The following C9orf72 variants were observed in gnomAD, a reference collection of about 807,000 sequenced individuals.
The protein encoded by C9orf72 is C9orf72-SMCR8 complex subunit.
In C9orf72, 44 loss-of-function variants were observed where a neutral mutation model predicts 51.6. The ratio of observed to expected loss-of-function variants is 0.85; its 90% CI spans 0.67 to 1.10. The LOEUF (loss-of-function observed/expected upper bound fraction) is 1.10. Ranked by LOEUF, C9orf72 falls within the 50% of genes least tolerant of loss-of-function variation. The pLI is 0.00. For synonymous variants in C9orf72, 213 were observed against 194.2 expected (o/e 1.10, Z -0.81); for missense variants, 607 against 570.6 (o/e 1.06, Z -0.65).
intron 9 of C9orf72, among the ~76,000 whole-genome samples, chr9:27,549,510 T>C (rs1391417114): frequency 6.6e-6 from 1 of 152,108 alleles, no homozygotes; most frequent in Non-Finnish European, 1.5e-5. Flanking sequence ...TAGATCTCAA[T>C]CCAAAATTTC....
rs765091222 is a variant in C9orf72 at position 27,565,609 on chromosome 9, ATTTAAAAAAACAACCCACAACAT to A, written c.445-42_445-20del. Reference sequence around the variant, plus strand: ...GTCTTTCCTGAGCAAGAGAAAATTTATTTAAAAAAACAACCCACAACATTTTGATACTTGCTTATTTTTCAATA... The same window carrying A: ...GTCTTTCCTGAGCAAGAGAAAATTTATTTGATACTTGCTTATTTTTCAATA... On this transcript the variant is annotated intron_variant, in intron 2 of 10. Transcript: ENST00000380003. 2,018 of 1,526,502 alleles carry A rather than the reference ATTTAAAAAAACAACCCACAACAT, an allele frequency of 1.3e-3. 53 individuals carry two copies. In the East Asian group the frequency reaches 0.038, roughly 29 times the overall value. The allele number at this position is 1,526,502 out of a possible 1,614,324, so 94.6% of individuals were successfully genotyped here.
At chr9:27,567,838 A>G (rs992391389) in intron 1 of C9orf72, among the ~76,000 whole-genome samples, 2 of 152,158 alleles carry the variant, frequency 1.3e-5, no homozygotes, top group Non-Finnish European at 2.9e-5. Flanking sequence ...TGTTGAAACT[A>G]CAAGGCAAGA....
chr9:27,567,217 C>T (rs1819490452), intron 1 of C9orf72, 53 bp from the exon 2 acceptor site: 5 of 1,023,450 alleles, frequency 4.9e-6, no homozygotes, highest in Non-Finnish European at 7.1e-6. Context: ...TAAAGATATC[C>T]ATCAAAACCC....
chr9:27,571,322 G>A (rs1296771682), intron 1 of C9orf72: 2 of 152,210 alleles, frequency 1.3e-5, no homozygotes, highest in Non-Finnish European at 2.9e-5. Context: ...AAAACTGTTA[G>A]TAGAGTGCTA....
intron 3 of C9orf72, 72 bp from the exon 4 acceptor site, chr9:27,562,548 A>G (rs552607336): frequency 7.4e-6 from 5 of 679,320 alleles, no homozygotes; most frequent in South Asian, 5.1e-5. Flanking sequence ...AAAAATAAAA[A>G]TAACATCAAA....
At chr9:27,572,448 A>G (rs548359740) in intron 1 of C9orf72, among the ~76,000 whole-genome samples, 6 of 149,192 alleles carry the variant, frequency 4.0e-5, no homozygotes, top group Non-Finnish European at 8.9e-5. Flanking sequence ...GAGAAAAATC[A>G]TATCTTAACA....
rs761630312 is a variant in C9orf72, at chr9:27,548,370, C to A, written c.1312G>T (p.Asp438Tyr). The change falls in exon 11 of 11, where the codon GAT (aspartate) becomes TAT (tyrosine). Residue 438 changes from aspartate (D) to tyrosine (Y), a missense_variant. Coordinates refer to ENST00000380003, the MANE Select transcript of C9orf72 (RefSeq NM_018325.5). The stretch of plus-strand genomic sequence containing the variant: ...TTAAGATCGCCCTCTGCTGTTAAAT[C>A]AAGGTCTATCTTCAGGTTCCGAAGA... ...KSLRNLKIDL[D>Y]LTAEGDLNII... 1.4e-6 allele frequency: 2 copies of A among 1,390,194 alleles called. No homozygotes were observed. Among genetic ancestry groups the A allele is most frequent in the Non-Finnish European group, 1.9e-6 (2 of 1,046,092 alleles). 86.1% of individuals were successfully genotyped at this position (1,390,194 alleles called of 1,614,324 possible). A position where few individuals can be genotyped will look rare whatever the true frequency, so the allele number is the denominator to read the frequency against.
At chr9:27,549,165 T>C (rs572189482) in intron 9 of C9orf72, among the ~76,000 whole-genome samples, 59 of 152,338 alleles carry the variant, frequency 3.9e-4, no homozygotes, top group Middle Eastern at 6.8e-3. Flanking sequence ...TTAGAAGTTT[T>C]CTAATTTATC....
chr9:27,561,586 T>G lies in C9orf72; in HGVS notation c.664A>C (p.Asn222His). Reference sequence around the variant, plus strand: ...TTTTATGAAAAGAAAAATTCTTACTTGAGAAGAAAGCCTTCATGACAGCTG... The same window carrying G: ...TTTTATGAAAAGAAAAATTCTTACTGGAGAAGAAAGCCTTCATGACAGCTG... Reference protein sequence around the residue: ...GDSCHEGFLLNAISSHLQTCG... With the variant: ...GDSCHEGFLLHAISSHLQTCG... The change falls in exon 5 of 11, where the codon AAT becomes CAT. Residue 222 changes from asparagine (N) to histidine (H), a missense_variant and splice_region_variant. Transcript: ENST00000380003. 6.2e-7 allele frequency: 1 copy of G among 1,612,474 alleles called. No individual in the cohort carries two copies. Among genetic ancestry groups the G allele is most frequent in the Non-Finnish European group, 8.5e-7 (1 of 1,179,098 alleles).
intron 8 of C9orf72, among the ~76,000 whole-genome samples, chr9:27,555,428 C>G (rs1820988765): frequency 6.6e-6 from 1 of 152,144 alleles, no homozygotes; most frequent in African/African-American, 2.4e-5. Context: ...TACCTAAGCT[C>G]AAACTGATTC....
intron 8 of C9orf72, 52 bp from the exon 9 acceptor site, chr9:27,550,759 G>T: frequency 2.1e-6 from 2 of 974,418 alleles, no homozygotes; most frequent in Non-Finnish European, 3.1e-6. Context: ...TGTTGAAATG[G>T]CCATATAATG....
chr9:27,547,746 G>A lies in C9orf72; in HGVS notation c.*490C>T, dbSNP rs1199189901. 6.6e-6 allele frequency: 1 copy of A among 152,604 alleles called. No homozygotes were observed. The highest frequency in any genetic ancestry group is 2.4e-5 in the African/African-American group (1 of 41,430). The allele number at this position is 152,604 out of a possible 1,614,324, so 9.5% of individuals were successfully genotyped here. A position where few individuals can be genotyped will look rare whatever the true frequency, so the allele number is the denominator to read the frequency against. ...ATTTTCTTTCTAAAGCTCATCCTAT[G>A]TTCAAGCTCACTTTCTTTCTGTGGA... is the stretch of plus-strand genomic sequence containing the variant. On this transcript the variant is annotated 3_prime_UTR_variant, in exon 11 of 11. Transcript: ENST00000380003.
In C9orf72 at chr9:27,565,593, G is replaced by C; in HGVS notation, c.445-3C>G. 1 of 1,588,438 alleles carries C rather than the reference G, an allele frequency of 6.3e-7. No homozygotes were observed. ...TTCTGGACATTTTCTTGTCTTTCCT[G>C]AGCAAGAGAAAATTTATTTAAAAAA... On this transcript the variant is annotated splice_region_variant and splice_polypyrimidine_tract_variant and intron_variant, in intron 2 of 10. Transcript: ENST00000380003.
In C9orf72 at chr9:27,548,363, G is replaced by C; in HGVS notation, c.1319C>G (p.Thr440Arg). ...TATTATGTTAAGATCGCCCTCTGCT[G>C]TTAAATCAAGGTCTATCTTCAGGTT... The part of the protein sequence containing the change: ...LRNLKIDLDL[T>R]AEGDLNIIMA... Residue 440 changes from threonine (T) to arginine (R), a missense_variant, in exon 11 of 11, where the codon ACA becomes AGA. Transcript: ENST00000380003. 1 of 1,405,738 alleles carries C rather than the reference G, an allele frequency of 7.1e-7. No homozygotes were observed. Among genetic ancestry groups the C allele is most frequent in the Non-Finnish European group, 9.5e-7 (1 of 1,053,174 alleles). 87.1% of individuals were successfully genotyped at this position (1,405,738 alleles called of 1,614,324 possible).
Position 27,550,850 on chromosome 9 carries a change from T to C in C9orf72, c.1092-143A>G. 6.0e-6 allele frequency: 3 copies of C among 502,826 alleles called. No individual in the cohort carries two copies. The East Asian group carries it at 9.8e-5, about 16-fold the overall frequency. The allele number at this position is 502,826 out of a possible 1,614,324, so 31.1% of individuals were successfully genotyped here. A position where few individuals can be genotyped will look rare whatever the true frequency, so the allele number is the denominator to read the frequency against. ...TTACATATAAACACATTTGTAAGAA[T>C]ATAGATATATATATTTGGAGACACA... is the stretch of plus-strand genomic sequence containing the variant. On this transcript the variant is annotated intron_variant, in intron 8 of 10. Coordinates refer to ENST00000380003, the MANE Select transcript of C9orf72 (RefSeq NM_018325.5).
intron 8 of C9orf72, among the ~76,000 whole-genome samples, chr9:27,552,973 CTGGCCTCATT>C (rs1820938949): frequency 6.6e-6 from 1 of 152,096 alleles, no homozygotes; most frequent in Admixed American, 6.5e-5. Flanking sequence ...CAGAATGATG[CTGGCCTCATT>C]AGGGAAGAGT....
intron 1 of C9orf72, among the ~76,000 whole-genome samples, chr9:27,567,807 G>C (rs1656842097): frequency 6.6e-6 from 1 of 152,108 alleles, no homozygotes; most frequent in Non-Finnish European, 1.5e-5. Flanking sequence ...GCCATGTGAA[G>C]ACAAAAGGCA....
chr9:27,572,324 C>A lies in C9orf72; in HGVS notation c.-45+1107G>T, dbSNP rs1180964882. The stretch of plus-strand genomic sequence containing the variant: ...TGGCAGAGGTGGTGACAACAATGCC[C>A]GTGTCAAATGACACCGTATTTCAAG... On this transcript the variant is annotated intron_variant, in intron 1 of 10. Transcript: ENST00000380003. Among the ~76,000 whole-genome samples the A allele has an allele frequency of 1.2e-4, 19 of 152,092 alleles. 1 individual carries two copies. The highest frequency in any genetic ancestry group is 1.2e-3 in the Admixed American group (19 of 15,264).
chr9:27,552,634 G>A (rs68005046), intron 8 of C9orf72, among the ~76,000 whole-genome samples: 8,859 of 150,816 alleles, frequency 0.059, 294 homozygotes, highest in East Asian at 0.12. Context: ...GGGATTACAG[G>A]TGTGAGTCAC....
Sources: allele counts gnomAD v4.1 joint callset (sites outside exome capture counted in the v4.1 genomes callset), GRCh38; gene constraint gnomAD v4.1.1; transcripts MANE v1.5; gene names NCBI Gene and HGNC (gene_info 2026-07-23, HGNC 2026-07-21).